Variants in MPP7 observed in about 807,000 individuals in gnomAD.
MPP7 encodes MAGUK p55 subfamily member 7.
In MPP7, 60 loss-of-function variants were observed where a neutral mutation model predicts 76.5. The observed-to-expected ratio is 0.78, with a 90% CI of 0.64 to 0.97. The LOEUF (loss-of-function observed/expected upper bound fraction) is 0.97, where lower values mean the gene tolerates loss of function less well. Ranked by LOEUF, MPP7 falls within the 50% of genes least tolerant of loss-of-function variation. MPP7 has a pLI of 0.00. For synonymous variants in MPP7, 237 were observed against 244.5 expected, an observed-to-expected ratio of 0.97 and a Z score of 0.29; for missense variants, 641 against 694.0, an observed-to-expected ratio of 0.92 and a Z score of 0.86.
chr10:28,284,379 G>A (rs1221918057), intron 1 of MPP7, among the ~76,000 whole-genome samples: 2 of 152,168 alleles, frequency 1.3e-5, no homozygotes, highest in Non-Finnish European at 2.9e-5. Context: ...TTCAGGGAGG[G>A]AGCAGCAGCT....
chr10:28,320,082 G>C (rs892587464), intron 2 of MPP7, among the ~76,000 whole-genome samples: 1 of 152,172 alleles, frequency 6.6e-6, no homozygotes, highest in Non-Finnish European at 1.5e-5. Flanking sequence ...CCCCAGTCAC[G>C]CACTGAATGT....
intron 8 of MPP7, among the ~76,000 whole-genome samples, chr10:28,123,468 T>C (rs898901324): frequency 9.1e-5 from 13 of 142,948 alleles, no homozygotes; most frequent in Admixed American, 4.2e-4. Flanking sequence ...AATTCTTTTT[T>C]TTTTTTTTTT....
At chr10:28,111,649 C>G (rs1273179233) in intron 11 of MPP7, among the ~76,000 whole-genome samples, 1 of 152,120 alleles carries the variant, frequency 6.6e-6, no homozygotes, top group South Asian at 2.1e-4. Context: ...AATAACCTGA[C>G]AATTATCAAT....
At chr10:28,160,603 C>T (rs1836227409) in intron 3 of MPP7, among the ~76,000 whole-genome samples, 1 of 152,222 alleles carries the variant, frequency 6.6e-6, no homozygotes, top group Non-Finnish European at 1.5e-5. Flanking sequence ...CCACAAGCCA[C>T]ACCTTGAGAA....
chr10:28,297,480 C>T (rs1297083241), intron 1 of MPP7, among the ~76,000 whole-genome samples: 3 of 152,138 alleles, frequency 2.0e-5, no homozygotes, highest in Non-Finnish European at 4.4e-5. Flanking sequence ...GGGTGGACTG[C>T]GTGAGCTCAG....
At chr10:28,222,276 G>A (rs1838535946) in intron 2 of MPP7, among the ~76,000 whole-genome samples, 1 of 151,686 alleles carries the variant, frequency 6.6e-6, no homozygotes, top group Admixed American at 6.6e-5. Flanking sequence ...ATGCAGGAGG[G>A]CCACTTGAGC....
At chr10:28,176,305 G>A (rs1836856803) in intron 3 of MPP7, among the ~76,000 whole-genome samples, 1 of 151,892 alleles carries the variant, frequency 6.6e-6, no homozygotes, top group African/African-American at 2.4e-5. Flanking sequence ...AGGCCAAAAA[G>A]CAAAGAAGCA....
chr10:28,274,093 A>AT (rs1167817342), intron 1 of MPP7, among the ~76,000 whole-genome samples: 2 of 143,098 alleles, frequency 1.4e-5, no homozygotes, highest in African/African-American at 2.7e-5. Context: ...GTAAAATAAA[A>AT]TTTTTTTCTT....
chr10:28,164,934 A>G (rs2763317), intron 3 of MPP7, among the ~76,000 whole-genome samples: 113,669 of 152,098 alleles, frequency 0.75, 42,625 homozygotes, highest in Middle Eastern at 0.84. Context: ...TAATAAAACT[A>G]CATTTGTATC....
At chr10:28,082,857 G>A (rs144361206) in intron 12 of MPP7, among the ~76,000 whole-genome samples, 7 of 152,092 alleles carry the variant, frequency 4.6e-5, no homozygotes, top group South Asian at 2.1e-4. Context: ...TCAGTCTCCC[G>A]AACAGCTGAG....
intron 6 of MPP7, among the ~76,000 whole-genome samples, chr10:28,127,683 C>T (rs1835061930): frequency 6.6e-6 from 1 of 152,150 alleles, no homozygotes; most frequent in Non-Finnish European, 1.5e-5. Flanking sequence ...CACCAGGTCC[C>T]TCCCACGACA....
chr10:28,252,793 T>A (rs897837957), intron 1 of MPP7, among the ~76,000 whole-genome samples: 1 of 152,168 alleles, frequency 6.6e-6, no homozygotes, highest in South Asian at 2.1e-4. Flanking sequence ...CAAATATTTC[T>A]CCTGATAATA....
chr10:28,133,719 C>A (rs923466083), intron 5 of MPP7, among the ~76,000 whole-genome samples: 4 of 152,092 alleles, frequency 2.6e-5, no homozygotes, highest in Non-Finnish European at 5.9e-5. Context: ...TAACCAAACT[C>A]CAGTGGCCCC....
At chr10:28,163,212 A>T (rs1274809526) in intron 3 of MPP7, among the ~76,000 whole-genome samples, 4 of 152,046 alleles carry the variant, frequency 2.6e-5, no homozygotes. Flanking sequence ...CCCTCCATTC[A>T]TGACACTCTG....
chr10:28,266,319 G>C (rs1840149470), intron 1 of MPP7, among the ~76,000 whole-genome samples: 1 of 152,158 alleles, frequency 6.6e-6, no homozygotes, highest in Non-Finnish European at 1.5e-5. Context: ...AAGAAGTAGA[G>C]CAGGGATCTG....
At chr10:28,325,495 CT>C (rs529801611) in intron 2 of MPP7, among the ~76,000 whole-genome samples, 1,903 of 151,372 alleles carry the variant, frequency 0.013, 27 homozygotes, top group South Asian at 0.033. Context: ...ATTTCTTTTT[CT>C]TTTTTTTCTT....
At chr10:28,262,277 A>T (rs55734120) in intron 1 of MPP7, among the ~76,000 whole-genome samples, 39,545 of 53,940 alleles carry the variant, frequency 0.73, 13,650 homozygotes, top group South Asian at 0.8. Flanking sequence ...ATATATATAT[A>T]TTTTTTTTTT....
At chr10:28,220,296 G>A (rs1838457594) in intron 2 of MPP7, among the ~76,000 whole-genome samples, 1 of 152,026 alleles carries the variant, frequency 6.6e-6, no homozygotes, top group African/African-American at 2.4e-5. Flanking sequence ...ATTTTTAGCA[G>A]TATTCACCCA....
intron 3 of MPP7, among the ~76,000 whole-genome samples, chr10:28,195,087 A>G (rs1375389995): frequency 2.6e-5 from 4 of 152,232 alleles, no homozygotes; most frequent in African/African-American, 9.6e-5. Flanking sequence ...AAAGGATCCA[A>G]TTGGACATTT....
Sources: allele counts gnomAD v4.1 joint callset (sites outside exome capture counted in the v4.1 genomes callset), GRCh38; gene constraint gnomAD v4.1.1; transcripts MANE v1.5; gene names NCBI Gene and HGNC (gene_info 2026-07-23, HGNC 2026-07-21).